PIGN: variants seen among roughly 807,000 people sequenced by gnomAD.
PIGN encodes the protein phosphatidylinositol glycan anchor biosynthesis class N.
PIGN carries 117 observed loss-of-function variants against 125.4 expected under a neutral mutation model. The ratio of observed to expected loss-of-function variants is 0.93; its 90% CI spans 0.80 to 1.09. The LOEUF (loss-of-function observed/expected upper bound fraction) is 1.09. Ranked by LOEUF, PIGN falls within the 50% of genes least tolerant of loss-of-function variation. PIGN has a pLI of 0.00. For missense variants in PIGN, 1,075 were observed against 1,094.9 expected (o/e 0.98, Z 0.26); for synonymous variants, 392 against 377.8 (o/e 1.04, Z -0.44).
intron 1 of PIGN, among the ~76,000 whole-genome samples, chr18:62,180,898 A>G (rs2037694535): frequency 6.6e-6 from 1 of 152,170 alleles, no homozygotes; most frequent in Non-Finnish European, 1.5e-5. Flanking sequence ...CTTGTACTAT[A>G]GAAGAAAACT....
At chr18:62,179,664 T>C (rs1156557731) in intron 1 of PIGN, among the ~76,000 whole-genome samples, 1 of 152,158 alleles carries the variant, frequency 6.6e-6, no homozygotes, top group African/African-American at 2.4e-5. Flanking sequence ...GAGGATTGCT[T>C]GAACCCCGGA....
Position 62,124,001 on chromosome 18 carries a change from C to T in PIGN, c.1173-9362G>A, listed in dbSNP as rs368241242. 4.7e-4 allele frequency among the ~76,000 whole-genome samples: 71 copies of T among 152,096 alleles called. No individual in the cohort carries two copies. In the East Asian group the frequency reaches 7.1e-3, roughly 15 times the overall value. Reference sequence around the variant, plus strand: ...TACTTTTATGAACTAATTATGAGCCCTAATGCATGAAGCATCATATAGAGA... The same window carrying T: ...TACTTTTATGAACTAATTATGAGCCTTAATGCATGAAGCATCATATAGAGA... On this transcript the variant is annotated intron_variant, in intron 14 of 30. Transcript: ENST00000640252.
intron 16 of PIGN, chr18:62,110,178 G>A (rs1384574032): frequency 4.6e-6 from 2 of 434,554 alleles, no homozygotes; most frequent in Non-Finnish European, 8.1e-6. Context: ...AGATAACCTG[G>A]AATTGCTGCA....
In PIGN at chr18:62,113,224, A is replaced by G. The variant is rs764806644; in HGVS notation, c.1344T>C (p.Val448=). 3 of 1,613,102 alleles carry G rather than the reference A, an allele frequency of 1.9e-6. No individual in the cohort carries two copies. Among genetic ancestry groups the G allele is most frequent in the Non-Finnish European group, 2.5e-6 (3 of 1,179,414 alleles). The part of the protein sequence containing the change: ...YDRFFLGVNV[V]IGFVGWISYA... ...AAGATATCCATCCCACAAAACCAAT[A>G]ACAACATTGACGCCCAAAAAGAATC... is the stretch of plus-strand genomic sequence containing the variant. The change falls in exon 16 of 31, where the codon GTT becomes GTC. Residue 448 remains valine, a synonymous_variant. Coordinates refer to ENST00000640252, the MANE Select transcript of PIGN (RefSeq NM_176787.5).
intron 14 of PIGN, among the ~76,000 whole-genome samples, chr18:62,128,015 T>G (rs1280894889): frequency 1.3e-5 from 2 of 152,192 alleles, no homozygotes; most frequent in Admixed American, 1.3e-4. Flanking sequence ...GAAAAATCCT[T>G]ATGAAATTTT....
chr18:62,040,025 C>T (rs9952701), downstream of PIGN, among the ~76,000 whole-genome samples: 12 of 102,778 alleles, frequency 1.2e-4, no homozygotes, highest in South Asian at 8.3e-4. Flanking sequence ...GTGCCGCACC[C>T]CATGTTTAGG....
chr18:62,068,821 C>T (rs2032674784), intron 30 of PIGN, among the ~76,000 whole-genome samples: 1 of 152,192 alleles, frequency 6.6e-6, no homozygotes, highest in Non-Finnish European at 1.5e-5. Flanking sequence ...CACATTCTCC[C>T]TAGTTCTTGT....
At chr18:62,135,187 T>C (rs551800172) in intron 14 of PIGN, among the ~76,000 whole-genome samples, 39 of 152,366 alleles carry the variant, frequency 2.6e-4, no homozygotes, top group African/African-American at 9.4e-4. Flanking sequence ...AAGTTAATGC[T>C]GCTTTTGTTT....
chr18:62,139,129 C>T (rs2036042791), intron 12 of PIGN, 54 bp from the exon 13 acceptor site: 5 of 1,067,634 alleles, frequency 4.7e-6, no homozygotes, highest in African/African-American at 1.6e-5. Flanking sequence ...TCAGGCTATC[C>T]TTATAAAACA....
intron 30 of PIGN, among the ~76,000 whole-genome samples, chr18:62,054,901 A>G (rs1234639733): frequency 6.6e-6 from 1 of 152,254 alleles, no homozygotes; most frequent in African/African-American, 2.4e-5. Flanking sequence ...ACATGAACAG[A>G]CGTTTCATCA....
chr18:62,123,893 A>G (rs1235000033), intron 14 of PIGN, among the ~76,000 whole-genome samples: 1 of 151,340 alleles, frequency 6.6e-6, no homozygotes, highest in Non-Finnish European at 1.5e-5. Flanking sequence ...ATCACATATT[A>G]TAACTCATTA....
At chr18:62,127,099 G>T (rs557161477) in intron 14 of PIGN, among the ~76,000 whole-genome samples, 1 of 152,178 alleles carries the variant, frequency 6.6e-6, no homozygotes, top group East Asian at 1.9e-4. Context: ...TTCCATCCTA[G>T]CTTCAATGTT....
At chr18:62,017,640 C>T (rs1419628944) in exon 24 of PIGN, 1 of 152,072 alleles carries the variant, frequency 6.6e-6, no homozygotes, top group African/African-American at 2.4e-5. Flanking sequence ...CTATTTTGAG[C>T]TCTGTCCTCT....
chr18:62,096,211 C>G (rs532072293), intron 22 of PIGN, among the ~76,000 whole-genome samples: 5 of 152,164 alleles, frequency 3.3e-5, no homozygotes, highest in African/African-American at 7.2e-5. Flanking sequence ...AGGAGAATCG[C>G]TTGAACCCGG....
At chr18:62,177,515 T>G (rs565702504) in intron 1 of PIGN, among the ~76,000 whole-genome samples, 1 of 152,234 alleles carries the variant, frequency 6.6e-6, no homozygotes, top group Admixed American at 6.5e-5. Flanking sequence ...ATGTCAGGAC[T>G]TCCTCAAGGG....
chr18:62,088,499 T>A (rs562216046), intron 25 of PIGN: 2 of 204,828 alleles, frequency 9.8e-6, no homozygotes, highest in Non-Finnish European at 1.9e-5. Context: ...AACACATTTT[T>A]AAAAAACATA....
At chr18:62,038,292 T>C (rs180735794), downstream of PIGN, among the ~76,000 whole-genome samples, 125 of 145,208 alleles carry the variant, frequency 8.6e-4, 1 homozygote, top group Non-Finnish European at 7.5e-5. Flanking sequence ...GATCAGTGAA[T>C]TCAATCCCCC....
At chr18:62,037,615 A>T (rs999149962), downstream of PIGN, among the ~76,000 whole-genome samples, 1 of 152,242 alleles carries the variant, frequency 6.6e-6, no homozygotes, top group Non-Finnish European at 1.5e-5. Flanking sequence ...CCTCTGCTCT[A>T]CTGGGCAAAT....
In PIGN at chr18:62,053,090, C is replaced by G. The variant is rs117169606; in HGVS notation, c.2673-7111G>C. On this transcript the variant is annotated intron_variant, in intron 30 of 30. Transcript: ENST00000640252. Reference sequence around the variant, plus strand: ...AAGTTTTCTAAATTATATTTGCTAGCTGATGTGAAAATTCTAATACTGTAT... The same window carrying G: ...AAGTTTTCTAAATTATATTTGCTAGGTGATGTGAAAATTCTAATACTGTAT... 10 of 278,354 alleles carry G rather than the reference C, an allele frequency of 3.6e-5. No individual in the cohort carries two copies. In the Admixed American group the frequency reaches 3.7e-4, roughly 10 times the overall value. 17.2% of individuals were successfully genotyped at this position (278,354 alleles called of 1,614,324 possible). A position where few individuals can be genotyped will look rare whatever the true frequency, so the allele number is the denominator to read the frequency against.
Sources: gnomAD v4.1 joint callset for allele counts (sites outside exome capture counted in the v4.1 genomes callset) on GRCh38, gnomAD v4.1.1 for gene constraint, MANE v1.5 for transcripts, NCBI Gene and HGNC (gene_info 2026-07-23, HGNC 2026-07-21) for gene names.